POU2F1: variants seen among roughly 807,000 people sequenced by gnomAD.
POU2F1 encodes POU class 2 homeobox 1.
POU2F1 carries 16 observed loss-of-function variants against 84.9 expected under a neutral mutation model. The observed-to-expected ratio is 0.19, with a 90% CI of 0.13 to 0.29. The LOEUF (loss-of-function observed/expected upper bound fraction) is 0.29, where lower values mean the gene tolerates loss of function less well. Among genes scored for constraint, POU2F1 ranks in the 10% least tolerant of loss-of-function variants. The probability of loss-of-function intolerance (pLI) is 1.00; values close to 1 mark genes in which losing one functional copy is unlikely to be tolerated. For synonymous variants in POU2F1, 368 were observed against 368.3 expected, an observed-to-expected ratio of 1.00 and a Z score of 0.01; for missense variants, 738 against 942.6, an observed-to-expected ratio of 0.78 and a Z score of 2.84.
intron 1 of POU2F1, among the ~76,000 whole-genome samples, chr1:167,294,884 AG>A (rs1392144206): frequency 6.6e-6 from 1 of 152,182 alleles, no homozygotes. Flanking sequence ...CTGTAATCCC[AG>A]CACTTTGGAA....
In POU2F1 at chr1:167,252,263, A is replaced by G. The variant is rs143838634; in HGVS notation, c.61+31305A>G. ...TGTGTTTCCTTACCTTTTAACTTAT[A>G]ACAGAATCCCTTTAAGACGCTTTTA... On this transcript the variant is annotated intron_variant, in intron 1 of 15. Transcript: ENST00000367866. Among the ~76,000 whole-genome samples the G allele has an allele frequency of 3.9e-5, 6 of 152,274 alleles. No individual in the cohort carries two copies. The East Asian group carries it at 9.7e-4, about 24-fold the overall frequency.
intron 8 of POU2F1, among the ~76,000 whole-genome samples, chr1:167,387,878 T>G (rs1648105711): frequency 6.6e-6 from 1 of 152,204 alleles, no homozygotes; most frequent in Non-Finnish European, 1.5e-5. Context: ...AAACTATACA[T>G]GGATTTAAAT....
rs763686157 is a variant in POU2F1 at position 167,389,575 on chromosome 1, C to A, written c.814-13C>A. The A allele has an allele frequency of 9.9e-6, 16 of 1,613,646 alleles. No homozygotes were observed. Among genetic ancestry groups the A allele is most frequent in the Non-Finnish European group, 1.4e-5 (16 of 1,179,688 alleles). On this transcript the variant is annotated splice_polypyrimidine_tract_variant and intron_variant, in intron 8 of 15. Transcript: ENST00000367866. ...ACGTGTTTTTCCTCATTGTTTTATT[C>A]TTTCTCCAACAGCCAGCAACCCCAA...
At chr1:167,289,180 T>C (rs1262893747) in intron 1 of POU2F1, among the ~76,000 whole-genome samples, 1 of 152,218 alleles carries the variant, frequency 6.6e-6, no homozygotes, top group South Asian at 2.1e-4. Context: ...TTTTTTGAAA[T>C]AGTTTCTTTG....
chr1:167,334,688 C>G (rs148170616), intron 2 of POU2F1, among the ~76,000 whole-genome samples: 4 of 152,172 alleles, frequency 2.6e-5, no homozygotes, highest in Admixed American at 2.6e-4. Flanking sequence ...ATCAGACTTG[C>G]ATATTTACTT....
rs537456863 is a variant in POU2F1, at chr1:167,388,881, C to T, written c.814-707C>T. 1.3e-3 allele frequency among the ~76,000 whole-genome samples: 205 copies of T among 152,122 alleles called. 1 individual carries two copies. Among genetic ancestry groups the T allele is most frequent in the Non-Finnish European group, 1.4e-3 (98 of 68,020 alleles). On this transcript the variant is annotated intron_variant, in intron 8 of 15. Coordinates refer to ENST00000367866, the MANE Select transcript of POU2F1 (RefSeq NM_002697.4). ...TGTGCTTGCATGCCTGTCTCCATCA[C>T]CCTCTCTCTTCCAAAAAGTTATTTT...
chr1:167,306,424 A>G (rs1655068396), intron 1 of POU2F1, among the ~76,000 whole-genome samples: 1 of 152,184 alleles, frequency 6.6e-6, no homozygotes. Flanking sequence ...CTAGGAGAAA[A>G]TGTTTGACAG....
chr1:167,363,043 C>T (rs1305646042), intron 2 of POU2F1, among the ~76,000 whole-genome samples: 2 of 152,134 alleles, frequency 1.3e-5, no homozygotes, highest in African/African-American at 4.8e-5. Flanking sequence ...ATGCCTTCAG[C>T]TCCTCCTCCC....
chr1:167,324,566 C>T (rs1266235314), intron 1 of POU2F1, among the ~76,000 whole-genome samples: 1 of 152,166 alleles, frequency 6.6e-6, no homozygotes. Context: ...AGCCAACCAA[C>T]TACTGATCTC....
intron 1 of POU2F1, among the ~76,000 whole-genome samples, chr1:167,317,766 T>C (rs2102622042): frequency 6.6e-6 from 1 of 152,358 alleles, no homozygotes; most frequent in Non-Finnish European, 1.5e-5. Context: ...ATCACAAGCA[T>C]GTCACAGTGC....
chr1:167,229,491 G>A (rs1449868862), intron 1 of POU2F1, among the ~76,000 whole-genome samples: 5 of 152,140 alleles, frequency 3.3e-5, no homozygotes, highest in East Asian at 1.9e-4. Context: ...GCCACTGTGC[G>A]TGTGGACTGA....
In POU2F1 at chr1:167,304,181, A is replaced by G. The variant is rs1360118842; in HGVS notation, c.62-28289A>G. On this transcript the variant is annotated intron_variant, in intron 1 of 15. Transcript: ENST00000367866. ...ATAAATGTACGTGTCTAAGAGAATA[A>G]ACAAACCATAGTGATGTTTCACATG... Among the ~76,000 whole-genome samples, 3 of 152,204 alleles carry G rather than the reference A, an allele frequency of 2.0e-5. No individual in the cohort carries two copies. The East Asian group carries it at 5.8e-4, about 29-fold the overall frequency.
At chr1:167,307,469 CA>C (rs11354171) in intron 1 of POU2F1, among the ~76,000 whole-genome samples, 85,651 of 137,624 alleles carry the variant, frequency 0.62, 27,193 homozygotes, top group East Asian at 0.86. Context: ...CTAGGATAAC[CA>C]AAAAAAAAAA....
chr1:167,397,101 A>C (rs373237425), intron 10 of POU2F1, among the ~76,000 whole-genome samples: 2 of 152,216 alleles, frequency 1.3e-5, no homozygotes, highest in Non-Finnish European at 2.9e-5. Flanking sequence ...CTGTTTCCCA[A>C]GTCCACAGAT....
chr1:167,376,203 T>C, intron 7 of POU2F1, 48 bp downstream of exon 7: 3 of 1,585,770 alleles, frequency 1.9e-6, no homozygotes, highest in Admixed American at 1.8e-5. Flanking sequence ...GGCTGTTCGC[T>C]GAATGTTACA....
intron 9 of POU2F1, among the ~76,000 whole-genome samples, chr1:167,390,931 A>T (rs1256348859): frequency 6.6e-6 from 1 of 152,244 alleles, no homozygotes; most frequent in African/African-American, 2.4e-5. Context: ...AATCTATAGA[A>T]GATGAAAACC....
intron 1 of POU2F1, among the ~76,000 whole-genome samples, chr1:167,264,929 G>A (rs1359059): frequency 0.4 from 60,421 of 151,928 alleles, 14,688 homozygotes; most frequent in East Asian, 0.69. Flanking sequence ...TGTCTCGTTT[G>A]CCTAGGATGC....
rs184321192 is a variant in POU2F1, at chr1:167,391,674, A to G, written c.987+1913A>G. Among the ~76,000 whole-genome samples the G allele has an allele frequency of 3.9e-4, 52 of 132,974 alleles. No individual in the cohort carries two copies. In the East Asian group the frequency reaches 0.013, roughly 32 times the overall value. 87.2% of individuals were successfully genotyped at this position (132,974 alleles called of 152,430 possible). A position where few individuals can be genotyped will look rare whatever the true frequency, so the allele number is the denominator to read the frequency against. On this transcript the variant is annotated intron_variant, in intron 9 of 15. Transcript: ENST00000367866. ...AGCCTTGACCTCCAGGGGTCAAGGG[A>G]TTCTCCCACTTCTGTCTCCTGAGTA...
intron 1 of POU2F1, among the ~76,000 whole-genome samples, chr1:167,302,258 T>C (rs917823100): frequency 6.6e-6 from 1 of 151,762 alleles, no homozygotes; most frequent in Admixed American, 6.6e-5. Context: ...TAATTTTTTT[T>C]TTCTTTTCTT....
Sources: allele counts gnomAD v4.1 joint callset (sites outside exome capture counted in the v4.1 genomes callset), GRCh38; gene constraint gnomAD v4.1.1; transcripts MANE v1.5; gene names NCBI Gene and HGNC (gene_info 2026-07-23, HGNC 2026-07-21).